Variants in WSCD2 observed in about 807,000 individuals in gnomAD.
The protein encoded by WSCD2 is sialate:O-sulfotransferase 2.
Under a neutral mutation model 55.7 loss-of-function variants are expected in WSCD2, and 28 were observed. The observed-to-expected ratio is 0.50, with a 90% CI of 0.37 to 0.69. WSCD2 has a LOEUF of 0.69. Ranked by LOEUF, WSCD2 falls within the 30% of genes least tolerant of loss-of-function variation. WSCD2 has a pLI of 0.00. For missense variants in WSCD2, 616 were observed against 762.1 expected (o/e 0.81, Z 2.26); for synonymous variants, 301 against 301.9 (o/e 1.00, Z 0.03).
At position 108,196,404 on chromosome 12, in the gene WSCD2, G is replaced by A. The variant is rs11837465; in HGVS notation, c.382+190G>A. The A allele has an allele frequency of 8.7e-4, 844 of 970,798 alleles. 1 individual carries two copies. In the African/African-American group the frequency reaches 0.012, roughly 14 times the overall value. 60.1% of individuals were successfully genotyped at this position (970,798 alleles called of 1,614,324 possible). On this transcript the variant is annotated intron_variant, in intron 2 of 8. Transcript: ENST00000547525. The stretch of plus-strand genomic sequence containing the variant: ...AAATTGAAGCTCAGAGAGATGAAGC[G>A]GCTTGCCCAAGGTCACACAGCTTGT...
chr12:108,206,146 A>C (rs1321974442), intron 2 of WSCD2, 143 bp from the exon 3 acceptor site: 1 of 689,460 alleles, frequency 1.5e-6, no homozygotes, highest in Non-Finnish European at 2.5e-6. Context: ...AATGACTTTC[A>C]CTCTCTCATT....
Position 108,129,872 on chromosome 12 carries a change from C to T in WSCD2, c.-606C>T, listed in dbSNP as rs569290676. ...GACGCGGGAGTCGCAGAGAGGGACCCCGGGCGCCTGCTGAGCTCAGCTGGC... is the reference window on the plus strand; with the variant it reads ...GACGCGGGAGTCGCAGAGAGGGACCTCGGGCGCCTGCTGAGCTCAGCTGGC... On this transcript the variant is annotated 5_prime_UTR_variant, in exon 1 of 9. Coordinates refer to ENST00000547525, the MANE Select transcript of WSCD2 (RefSeq NM_014653.4). 6.6e-6 allele frequency: 1 copy of T among 152,452 alleles called. No individual in the cohort carries two copies. Among genetic ancestry groups the T allele is most frequent in the South Asian group, 2.1e-4 (1 of 4,834 alleles). 9.4% of individuals were successfully genotyped at this position (152,452 alleles called of 1,614,324 possible).
At chr12:108,229,042 C>T (rs914757112) in intron 6 of WSCD2, among the ~76,000 whole-genome samples, 3 of 152,170 alleles carry the variant, frequency 2.0e-5, no homozygotes, top group Non-Finnish European at 4.4e-5. Context: ...TAACAATTCC[C>T]TAATTGATGA....
chr12:108,243,870 C>T (rs1258329145), intron 8 of WSCD2, among the ~76,000 whole-genome samples: 1 of 152,166 alleles, frequency 6.6e-6, no homozygotes, highest in Non-Finnish European at 1.5e-5. Context: ...GCCCTTGTCA[C>T]CCTCCCAATT....
chr12:108,193,330 C>T (rs1883423747), intron 1 of WSCD2, among the ~76,000 whole-genome samples: 1 of 152,248 alleles, frequency 6.6e-6, no homozygotes, highest in Non-Finnish European at 1.5e-5. Flanking sequence ...TCAGTTGACT[C>T]TGAATTCTCT....
intron 1 of WSCD2, among the ~76,000 whole-genome samples, chr12:108,160,098 T>C (rs948598317): frequency 6.6e-6 from 1 of 152,166 alleles, no homozygotes; most frequent in Admixed American, 6.6e-5. Flanking sequence ...CTGCTTGGCC[T>C]TTAGAGGCTG....
chr12:108,210,516 C>G lies in WSCD2; in HGVS notation c.682+211C>G, dbSNP rs1273627487. 2.0e-5 allele frequency among the ~76,000 whole-genome samples: 3 copies of G among 152,218 alleles called. No homozygotes were observed. Among genetic ancestry groups the G allele is most frequent in the African/African-American group, 7.2e-5 (3 of 41,454 alleles). On this transcript the variant is annotated intron_variant, in intron 4 of 8. Coordinates refer to ENST00000547525, the MANE Select transcript of WSCD2 (RefSeq NM_014653.4). The surrounding 1 kb of genome is among the most constrained non-coding windows in gnomAD (Gnocchi z 4.3). ...TGGTCCTGCATGCGCTTTTCTCTCC[C>G]TCCCACTGAGCTGCGTCTGGTTCCA...
At chr12:108,194,484 C>A (rs1306399534) in intron 1 of WSCD2, among the ~76,000 whole-genome samples, 1 of 152,172 alleles carries the variant, frequency 6.6e-6, no homozygotes, top group Non-Finnish European at 1.5e-5. Flanking sequence ...GTCCAGATCC[C>A]AGCTCCATCA....
intron 1 of WSCD2, among the ~76,000 whole-genome samples, chr12:108,176,130 C>CG (rs1261546946): frequency 6.6e-6 from 1 of 152,166 alleles, no homozygotes; most frequent in African/African-American, 2.4e-5. Context: ...CGAGCCACCA[C>CG]GCCCGGCCTA....
At position 108,197,803 on chromosome 12, in the gene WSCD2, A is replaced by C. The variant is rs889476351; in HGVS notation, c.382+1589A>C. Reference sequence around the variant, plus strand: ...AGGACAAATTCCAGACGCCTCCCACAGTCCAACTCTGCAACCTCATCTTAT... The same window carrying C: ...AGGACAAATTCCAGACGCCTCCCACCGTCCAACTCTGCAACCTCATCTTAT... On this transcript the variant is annotated intron_variant, in intron 2 of 8. Transcript: ENST00000547525. Among the ~76,000 whole-genome samples the C allele has an allele frequency of 4.6e-5, 7 of 151,872 alleles. No individual in the cohort carries two copies. The East Asian group carries it at 1.4e-3, about 29-fold the overall frequency.
intron 1 of WSCD2, among the ~76,000 whole-genome samples, chr12:108,173,810 C>CTCTCTCTCTGTGTGTGTGTGTGTG: frequency 7.6e-6 from 1 of 131,234 alleles, no homozygotes; most frequent in Admixed American, 7.5e-5. Flanking sequence ...TCCTGGCTCT[C>CTCTCTCTCTGTGTGTGTGTGTGTG]TGTGTGTGTG....
rs1012403955 is a variant in WSCD2 at position 108,248,828 on chromosome 12, C to T, written c.*485C>T. ...ATCTCCACCCAAGAAGTGCTGGCACCGATGTTTAACTCAGGCCACCTTCTG... is the reference window on the plus strand; with the variant it reads ...ATCTCCACCCAAGAAGTGCTGGCACTGATGTTTAACTCAGGCCACCTTCTG... On this transcript the variant is annotated 3_prime_UTR_variant, in exon 9 of 9. Transcript: ENST00000547525. This position sits in a 1 kb window ranked among gnomAD's most constrained non-coding sequence, Gnocchi z 4.3. 47 of 989,560 alleles carry T rather than the reference C, an allele frequency of 4.7e-5. No individual in the cohort carries two copies. The highest frequency in any genetic ancestry group is 2.3e-4 in the South Asian group (5 of 21,548). 61.3% of individuals were successfully genotyped at this position (989,560 alleles called of 1,614,324 possible).
chr12:108,198,511 T>A (rs1884251745), intron 2 of WSCD2, among the ~76,000 whole-genome samples: 1 of 152,182 alleles, frequency 6.6e-6, no homozygotes, highest in East Asian at 1.9e-4. Context: ...AGAATATGAA[T>A]TCCTTATGGT....
At chr12:108,160,674 T>C (rs577505521) in intron 1 of WSCD2, among the ~76,000 whole-genome samples, 8 of 152,316 alleles carry the variant, frequency 5.3e-5, no homozygotes, top group Admixed American at 4.6e-4. Flanking sequence ...GGGATTACAA[T>C]TGACCATGAT....
chr12:108,210,404 T>C lies in WSCD2; in HGVS notation c.682+99T>C. Reference sequence around the variant, plus strand: ...ATGTCTGCCCTGTACCCTCCATGGCTCCCCATCACTCCAAGGCCACCACCG... The same window carrying C: ...ATGTCTGCCCTGTACCCTCCATGGCCCCCCATCACTCCAAGGCCACCACCG... On this transcript the variant is annotated intron_variant, in intron 4 of 8. Transcript: ENST00000547525. This position sits in a 1 kb window ranked among gnomAD's most constrained non-coding sequence, Gnocchi z 4.3. 2 of 1,415,494 alleles carry C rather than the reference T, an allele frequency of 1.4e-6. No homozygotes were observed. The allele number at this position is 1,415,494 out of a possible 1,614,324, so 87.7% of individuals were successfully genotyped here.
intron 1 of WSCD2, among the ~76,000 whole-genome samples, chr12:108,175,735 G>A (rs1041476240): frequency 4.6e-5 from 7 of 152,238 alleles, no homozygotes; most frequent in African/African-American, 1.4e-4. Context: ...TAGAATAAGT[G>A]AGCAGGCGTT....
intron 7 of WSCD2, among the ~76,000 whole-genome samples, chr12:108,236,756 C>T (rs1889304829): frequency 6.6e-6 from 1 of 152,024 alleles, no homozygotes; most frequent in Non-Finnish European, 1.5e-5. Context: ...GTTTATCTCC[C>T]CCAACTCCTG....
chr12:108,224,906 G>C, intron 5 of WSCD2, 46 bp downstream of exon 5: 1 of 1,597,094 alleles, frequency 6.3e-7, no homozygotes, highest in South Asian at 1.1e-5. Context: ...AGGGAACCAT[G>C]CAGCAGAGCT....
chr12:108,243,949 A>T (rs1036100478), intron 8 of WSCD2, among the ~76,000 whole-genome samples: 2 of 152,184 alleles, frequency 1.3e-5, no homozygotes, highest in Non-Finnish European at 2.9e-5. Context: ...TTAATTTTAC[A>T]ATCTCCCTAG....
Sources: gnomAD v4.1 joint callset for allele counts (sites outside exome capture counted in the v4.1 genomes callset) on GRCh38, gnomAD v4.1.1 for gene constraint, Gnocchi (gnomAD v3.1) non-coding constraint, MANE v1.5 for transcripts, NCBI Gene and HGNC (gene_info 2026-07-23, HGNC 2026-07-21) for gene names.